Variants in PCDHA13 observed in about 807,000 individuals in gnomAD.
The protein encoded by PCDHA13 is protocadherin alpha 13, also known as protocadherin alpha-13.
A neutral mutation model predicts 64.8 loss-of-function variants in PCDHA13; 54 were observed. The observed-to-expected ratio is 0.83, with a 90% CI of 0.67 to 1.04. The LOEUF (loss-of-function observed/expected upper bound fraction) is 1.04, where lower values mean the gene tolerates loss of function less well. Among genes scored for constraint, PCDHA13 ranks in the 50% least tolerant of loss-of-function variants. The pLI, the probability that PCDHA13 is intolerant of heterozygous loss-of-function variation, is 0.00. For synonymous variants in PCDHA13, 587 were observed against 564.4 expected (o/e 1.04, Z -0.57); for missense variants, 1,248 against 1,254.3 (o/e 0.99, Z 0.08).
chr5:140,980,039 C>T (rs2096874436), intron 2 of PCDHA13, among the ~76,000 whole-genome samples: 1 of 152,184 alleles, frequency 6.6e-6, no homozygotes, highest in South Asian at 2.1e-4. Context: ...ACATTGGGTG[C>T]TATTTCTGAT....
At chr5:140,890,995 AATTATTG>A (rs2062893933) in intron 1 of PCDHA13, among the ~76,000 whole-genome samples, 1 of 152,138 alleles carries the variant, frequency 6.6e-6, no homozygotes, top group Non-Finnish European at 1.5e-5. Context: ...ATTTCATCAT[AATTATTG>A]AAAAGCATTT....
At chr5:140,889,763 T>C (rs2062377523) in intron 1 of PCDHA13, among the ~76,000 whole-genome samples, 1 of 152,192 alleles carries the variant, frequency 6.6e-6, no homozygotes, top group African/African-American at 2.4e-5. Context: ...TCCTTGAACT[T>C]TGACTGGTCT....
In PCDHA13 at chr5:140,882,717, C is replaced by G. The variant is rs1311295002; in HGVS notation, c.449C>G (p.Thr150Ser). 6.2e-7 allele frequency: 1 copy of G among 1,614,102 alleles called. No homozygotes were observed. The highest frequency in any genetic ancestry group is 1.1e-5 in the South Asian group (1 of 91,090). ...ATTGCAGAATCTAGACCTCCGGAAA[C>G]TCGATTTCCACTAGATGGCGCATCC... ...IIIAESRPPE[T>S]RFPLDGASDA... The change falls in exon 1 of 4, where the codon ACT becomes AGT. Residue 150 changes from threonine (T) to serine (S), a missense_variant. Coordinates refer to ENST00000289272, the MANE Select transcript of PCDHA13 (RefSeq NM_018904.3).
intron 1 of PCDHA13, chr5:140,928,628 T>G: frequency 6.2e-7 from 1 of 1,614,222 alleles, no homozygotes; most frequent in Non-Finnish European, 8.5e-7. Context: ...ACTGGACACT[T>G]GGTCACAAAA....
intron 1 of PCDHA13, among the ~76,000 whole-genome samples, chr5:140,937,708 C>G (rs535447052): frequency 6.6e-6 from 1 of 151,944 alleles, no homozygotes; most frequent in South Asian, 2.1e-4. Flanking sequence ...GTCAGGAGAT[C>G]AAGACCATCC....
At position 140,982,438 on chromosome 5, in the gene PCDHA13, T is replaced by C. The variant is rs782761318; in HGVS notation, c.2454-37T>C. On this transcript the variant is annotated intron_variant, in intron 2 of 3. Coordinates refer to ENST00000289272, the MANE Select transcript of PCDHA13 (RefSeq NM_018904.3). ...GGAAGAAGAGATGGGAAAGAATTTA[T>C]GATCTAACCGTTATCTGGGTCTGTG... is the stretch of plus-strand genomic sequence containing the variant. The C allele has an allele frequency of 3.1e-6, 5 of 1,611,448 alleles. No individual in the cohort carries two copies. The South Asian group carries it at 5.5e-5, about 18-fold the overall frequency.
chr5:140,918,632 C>A (rs1182828125), intron 1 of PCDHA13, among the ~76,000 whole-genome samples: 1 of 152,164 alleles, frequency 6.6e-6, no homozygotes, highest in Non-Finnish European at 1.5e-5. Flanking sequence ...TCCCCAAATT[C>A]ATAAATTGAA....
chr5:140,923,570 C>T (rs1554201533), intron 1 of PCDHA13, among the ~76,000 whole-genome samples: 2 of 152,136 alleles, frequency 1.3e-5, no homozygotes, highest in African/African-American at 4.8e-5. Context: ...AAAGGTCCTG[C>T]TAAAGAGAAG....
At chr5:140,922,866 GA>G (rs557650266) in intron 1 of PCDHA13, among the ~76,000 whole-genome samples, 2 of 152,096 alleles carry the variant, frequency 1.3e-5, no homozygotes, top group Non-Finnish European at 2.9e-5. Flanking sequence ...TAGACAAGGG[GA>G]AAAAATCCAA....
At chr5:140,934,547 C>A (rs2089905916) in intron 1 of PCDHA13, among the ~76,000 whole-genome samples, 1 of 152,124 alleles carries the variant, frequency 6.6e-6, no homozygotes, top group African/African-American at 2.4e-5. Flanking sequence ...CTAATTCTAT[C>A]ATTTCTTCTT....
intron 1 of PCDHA13, among the ~76,000 whole-genome samples, chr5:140,893,546 A>T (rs765690335): frequency 2.0e-5 from 3 of 152,210 alleles, no homozygotes; most frequent in Non-Finnish European, 4.4e-5. Context: ...TGTAGGACTT[A>T]TCTAGTTGTA....
chr5:140,943,467 G>C lies in PCDHA13; in HGVS notation c.2395-35482G>C, dbSNP rs559827697. 2.0e-5 allele frequency among the ~76,000 whole-genome samples: 3 copies of C among 152,126 alleles called. No individual in the cohort carries two copies. The East Asian group carries it at 5.8e-4, about 29-fold the overall frequency. On this transcript the variant is annotated intron_variant, in intron 1 of 3. Coordinates refer to ENST00000289272, the MANE Select transcript of PCDHA13 (RefSeq NM_018904.3). ...AGAATTGATAAGGCTAAATGTGGGA[G>C]ATACAGTAAAATAATAAATAGATGC... is the stretch of plus-strand genomic sequence containing the variant.
intron 1 of PCDHA13, among the ~76,000 whole-genome samples, chr5:140,978,124 G>A (rs1554239035): frequency 6.6e-6 from 1 of 152,140 alleles, no homozygotes; most frequent in East Asian, 1.9e-4. Context: ...GTCTTTAGGT[G>A]CCCATATTTT....
Position 141,009,608 on chromosome 5 carries a change from G to A in PCDHA13, c.2543-19G>A, listed in dbSNP as rs1350951999. ...CATGTGTTGACCCTGTTAATGATTTGTAATGTTTTGTCTTTCAGAACCAGA... is the reference window on the plus strand; with the variant it reads ...CATGTGTTGACCCTGTTAATGATTTATAATGTTTTGTCTTTCAGAACCAGA... On this transcript the variant is annotated intron_variant, in intron 3 of 3. Coordinates refer to ENST00000289272, the MANE Select transcript of PCDHA13 (RefSeq NM_018904.3). The A allele has an allele frequency of 2.5e-6, 4 of 1,610,656 alleles. No individual in the cohort carries two copies. The highest frequency in any genetic ancestry group is 3.4e-6 in the Non-Finnish European group (4 of 1,177,936).
At chr5:140,954,065 G>A (rs2153701349) in intron 1 of PCDHA13, among the ~76,000 whole-genome samples, 1 of 152,278 alleles carries the variant, frequency 6.6e-6, no homozygotes, top group African/African-American at 2.4e-5. Context: ...TTATTATGCT[G>A]AGGATAATGG....
At position 140,968,051 on chromosome 5, in the gene PCDHA13, C is replaced by A. The variant is rs1353005851; in HGVS notation, c.2395-10898C>A. On this transcript the variant is annotated intron_variant, in intron 1 of 3. Transcript: ENST00000289272. ...ACTGGTGGTGAGCGGCCCACTGGACCGAGAGCGGGTGGCTGTCTACAACAT... is the reference window on the plus strand; with the variant it reads ...ACTGGTGGTGAGCGGCCCACTGGACAGAGAGCGGGTGGCTGTCTACAACAT... The A allele has an allele frequency of 1.9e-6, 3 of 1,614,018 alleles. No homozygotes were observed. The Admixed American group carries it at 5.0e-5, about 27-fold the overall frequency.
At chr5:140,958,868 A>G (rs2095446207) in intron 1 of PCDHA13, among the ~76,000 whole-genome samples, 2 of 152,108 alleles carry the variant, frequency 1.3e-5, no homozygotes, top group Non-Finnish European at 2.9e-5. Context: ...CTGGGTTTAT[A>G]AAAGAATTGA....
At chr5:140,909,471 A>G (rs1398595420) in intron 1 of PCDHA13, among the ~76,000 whole-genome samples, 3 of 152,328 alleles carry the variant, frequency 2.0e-5, no homozygotes, top group African/African-American at 7.2e-5. Context: ...TCTTCTTCAC[A>G]GGCTAAATAG....
rs139314570 is a variant in PCDHA13, at chr5:140,952,780, A to G, written c.2395-26169A>G. 2.0e-3 allele frequency among the ~76,000 whole-genome samples: 310 copies of G among 152,316 alleles called. 3 individuals are homozygous for G. The highest frequency in any genetic ancestry group is 7.3e-3 in the African/African-American group (302 of 41,572). On this transcript the variant is annotated intron_variant, in intron 1 of 3. Transcript: ENST00000289272. ...CTGAGACTGGATAATTTAGAAAGAA[A>G]AGAGGTTTAACTGGCTCGCAGTTCT... is the stretch of plus-strand genomic sequence containing the variant.
Sources: gnomAD v4.1 joint callset for allele counts (sites outside exome capture counted in the v4.1 genomes callset) on GRCh38, gnomAD v4.1.1 for gene constraint, MANE v1.5 for transcripts, NCBI Gene and HGNC (gene_info 2026-07-23, HGNC 2026-07-21) for gene names.